The following NOP58 variants were observed in gnomAD, a reference collection of about 807,000 sequenced individuals.
NOP58 encodes the protein nucleolar protein 58.
NOP58 carries 44 observed loss-of-function variants against 71.2 expected under a neutral mutation model. The observed-to-expected ratio is 0.62, with a 90% confidence interval of 0.49 to 0.79. The LOEUF (loss-of-function observed/expected upper bound fraction) is 0.79, where lower values mean the gene tolerates loss of function less well. NOP58 is among the 30% of genes least tolerant of loss of function. The pLI is 0.00. For missense variants in NOP58, 538 were observed against 620.2 expected (o/e 0.87, Z 1.41); for synonymous variants, 228 against 200.3 (o/e 1.14, Z -1.17).
chr2:202,296,835 G>T (rs1364751449), intron 10 of NOP58, among the ~76,000 whole-genome samples: 1 of 151,942 alleles, frequency 6.6e-6, no homozygotes, highest in African/African-American at 2.4e-5. Flanking sequence ...CCAGGTTCAC[G>T]CCATTCTCCT....
intron 7 of NOP58, 23 bp from the exon 8 acceptor site, chr2:202,291,102 C>T: frequency 1.3e-6 from 2 of 1,564,570 alleles, no homozygotes; most frequent in Non-Finnish European, 1.7e-6. Flanking sequence ...GATTCTCCCT[C>T]ATCCTCTGCA....
In NOP58 at chr2:202,287,647, C is replaced by G. The variant is rs781569407; in HGVS notation, c.435-13C>G. On this transcript the variant is annotated splice_polypyrimidine_tract_variant and intron_variant, in intron 5 of 14. Transcript: ENST00000264279. ...ATGCTATCTTGCTAATTTATTTTCCCCTTTCTTCCCAGCCTGTCTCGATAT... is the reference window on the plus strand; with the variant it reads ...ATGCTATCTTGCTAATTTATTTTCCGCTTTCTTCCCAGCCTGTCTCGATAT... 7 of 1,603,768 alleles carry G rather than the reference C, an allele frequency of 4.4e-6. No individual in the cohort carries two copies. Among genetic ancestry groups the G allele is most frequent in the Non-Finnish European group, 6.0e-6 (7 of 1,171,116 alleles).
Position 202,292,844 on chromosome 2 carries a change from C to T in NOP58, c.848C>T (p.Ala283Val). ...CTACAAAATCGAATGATGGCCATTGCACCCAATGTTACAGTCATGGTTGGG... is the reference window on the plus strand; with the variant it reads ...CTACAAAATCGAATGATGGCCATTGTACCCAATGTTACAGTCATGGTTGGG... ...EYLQNRMMAIAPNVTVMVGEL... is the reference protein window; with the variant it reads ...EYLQNRMMAIVPNVTVMVGEL... The change falls in exon 9 of 15, where the codon GCA (alanine) becomes GTA (valine). Residue 283 changes from alanine (A) to valine (V), a missense_variant. Coordinates refer to ENST00000264279, the MANE Select transcript of NOP58 (RefSeq NM_015934.5). 1 of 1,613,336 alleles carries T rather than the reference C, an allele frequency of 6.2e-7. No homozygotes were observed.
chr2:202,266,206 C>T (rs887206449), intron 1 of NOP58, among the ~76,000 whole-genome samples: 5 of 152,106 alleles, frequency 3.3e-5, no homozygotes, highest in African/African-American at 7.2e-5. Flanking sequence ...ATTTTATTTC[C>T]TCCCGTTGAA....
intron 8 of NOP58, among the ~76,000 whole-genome samples, chr2:202,291,661 G>A (rs1694450987): frequency 6.6e-6 from 1 of 151,836 alleles, no homozygotes; most frequent in Non-Finnish European, 1.5e-5. Flanking sequence ...GCAAAAATTA[G>A]CTGCGCGTGG....
At chr2:202,287,232 C>A (rs1294620092) in intron 5 of NOP58, among the ~76,000 whole-genome samples, 1 of 151,940 alleles carries the variant, frequency 6.6e-6, no homozygotes, top group Non-Finnish European at 1.5e-5. Context: ...CCATGCCTGG[C>A]TAATTTTTAT....
chr2:202,294,398 T>C (rs1688955780), intron 9 of NOP58, among the ~76,000 whole-genome samples: 1 of 151,846 alleles, frequency 6.6e-6, no homozygotes, highest in Non-Finnish European at 1.5e-5. Flanking sequence ...GTCTAGTGCT[T>C]AAGTTCATAG....
rs747894497 is a variant in NOP58 at position 202,292,828 on chromosome 2, C to T, written c.832C>T (p.Arg278Ter). The change falls in exon 9 of 15, where the codon CGA becomes TGA. Residue 278 changes from arginine to a stop codon, truncating the protein, a stop_gained. Coordinates refer to ENST00000264279, the MANE Select transcript of NOP58 (RefSeq NM_015934.5). LOFTEE classifies it high-confidence loss of function. ...CCAGCTCTATGAATATCTACAAAATCGAATGATGGCCATTGCACCCAATGT... is the reference window on the plus strand; with the variant it reads ...CCAGCTCTATGAATATCTACAAAATTGAATGATGGCCATTGCACCCAATGT... The part of the protein sequence containing the change: ...RTQLYEYLQN[R>*]MMAIAPNVTV... 3.1e-6 allele frequency: 5 copies of T among 1,612,790 alleles called. No homozygotes were observed. Among genetic ancestry groups the T allele is most frequent in the South Asian group, 1.1e-5 (1 of 91,066 alleles).
chr2:202,279,008 C>A (rs751704560), intron 3 of NOP58, among the ~76,000 whole-genome samples: 2 of 151,970 alleles, frequency 1.3e-5, no homozygotes, highest in African/African-American at 2.4e-5. Flanking sequence ...TTATATACAG[C>A]CATAAAAAAA....
intron 3 of NOP58, chr2:202,278,459 C>A: frequency 3.0e-6 from 1 of 331,394 alleles, no homozygotes; most frequent in Non-Finnish European, 5.9e-6. Context: ...ATTTTTAGTT[C>A]AAAAAAACAT....
chr2:202,282,624 A>C, intron 4 of NOP58, 152 bp downstream of exon 4: 1 of 689,852 alleles, frequency 1.4e-6, no homozygotes, highest in Non-Finnish European at 2.3e-6. Flanking sequence ...TTCCCCTAAC[A>C]TCAGCTGAAC....
At chr2:202,303,335 T>C in intron 14 of NOP58, 51 bp from the exon 15 acceptor site, 1 of 1,603,834 alleles carries the variant, frequency 6.2e-7, no homozygotes, top group Non-Finnish European at 8.5e-7. Context: ...ATGTGATTAC[T>C]CACCCATACA....
chr2:202,300,218 T>A lies in NOP58; in HGVS notation c.1269-16T>A. 3 of 1,570,240 alleles carry A rather than the reference T, an allele frequency of 1.9e-6. No homozygotes were observed. Among genetic ancestry groups the A allele is most frequent in the Non-Finnish European group, 2.6e-6 (3 of 1,168,218 alleles). ...ATACTTGTTAGAGATTTTCTAAAAC[T>A]TTTTGGGTCTTTCAGTGAAGTGAAG... On this transcript the variant is annotated splice_polypyrimidine_tract_variant and intron_variant, in intron 12 of 14. Transcript: ENST00000264279.
In NOP58 at chr2:202,297,521, C is replaced by A; in HGVS notation, c.1206+8C>A. 1.2e-6 allele frequency: 2 copies of A among 1,610,922 alleles called. No homozygotes were observed. Among genetic ancestry groups the A allele is most frequent in the South Asian group, 2.2e-5 (2 of 90,184 alleles). On this transcript the variant is annotated splice_region_variant and intron_variant, in intron 11 of 14. Coordinates refer to ENST00000264279, the MANE Select transcript of NOP58 (RefSeq NM_015934.5). ...ACTTTGGAAGACAGAGGGGTAAGAA[C>A]TACATCATGCCTATTCCAGAAGTAT...
chr2:202,273,339 A>G (rs1688540520), intron 1 of NOP58, among the ~76,000 whole-genome samples: 2 of 152,208 alleles, frequency 1.3e-5, no homozygotes. Flanking sequence ...AGACCATCTA[A>G]ATAAGAAAGT....
At chr2:202,275,016 C>CA in intron 1 of NOP58, 97 bp from the exon 2 acceptor site, 2 of 480,122 alleles carry the variant, frequency 4.2e-6, no homozygotes, top group South Asian at 2.2e-5. Context: ...ATAGCTTCTA[C>CA]ACCTTCATTT....
chr2:202,290,520 A>G, intron 7 of NOP58, 63 bp downstream of exon 7: 1 of 1,398,116 alleles, frequency 7.2e-7, no homozygotes, highest in Non-Finnish European at 9.8e-7. Flanking sequence ...ATCCTAAAAC[A>G]TGACGTATAG....
chr2:202,290,189 C>G (rs566138417), intron 6 of NOP58, 134 bp from the exon 7 acceptor site: 1 of 632,988 alleles, frequency 1.6e-6, no homozygotes, highest in Non-Finnish European at 2.6e-6. Context: ...CTTCTGACTT[C>G]GTGATATGCC....
At position 202,291,219 on chromosome 2, in the gene NOP58, A is replaced by G. The variant is rs140316104; in HGVS notation, c.729A>G (p.Gly243=). Reference sequence around the variant, plus strand: ...AAGCAGCTGCAGAGATATCAATGGGAACAGAGGTTTCAGAAGAAGATATTT... The same window carrying G: ...AAGCAGCTGCAGAGATATCAATGGGGACAGAGGTTTCAGAAGAAGATATTT... ...EVKAAAEISM[G]TEVSEEDICN... The change falls in exon 8 of 15, where the codon GGA becomes GGG. Residue 243 remains glycine (G), a synonymous_variant. Coordinates refer to ENST00000264279, the MANE Select transcript of NOP58 (RefSeq NM_015934.5). The G allele has an allele frequency of 1.9e-6, 3 of 1,611,482 alleles. No homozygotes were observed. Among genetic ancestry groups the G allele is most frequent in the Admixed American group, 3.4e-5 (2 of 59,164 alleles).
Sources: gnomAD v4.1 joint callset for allele counts (sites outside exome capture counted in the v4.1 genomes callset) on GRCh38, gnomAD v4.1.1 for gene constraint, MANE v1.5 for transcripts, NCBI Gene and HGNC (gene_info 2026-07-23, HGNC 2026-07-21) for gene names.